Variants in LPCAT3 observed in about 807,000 individuals in gnomAD.
The protein encoded by LPCAT3 is lysophosphatidylcholine acyltransferase 3, also known as lysophospholipid acyltransferase 5.
A neutral mutation model predicts 63.4 loss-of-function variants in LPCAT3; 21 were observed. The ratio of observed to expected loss-of-function variants is 0.33; its 90% CI spans 0.23 to 0.48. The LOEUF is 0.48. Among genes scored for constraint, LPCAT3 ranks in the 20% least tolerant of loss-of-function variants. LPCAT3 has a pLI of 0.99. For missense variants in LPCAT3, 451 were observed against 590.6 expected, an observed-to-expected ratio of 0.76 and a Z score of 2.45; for synonymous variants, 242 against 227.5, an observed-to-expected ratio of 1.06 and a Z score of -0.58.
intron 1 of LPCAT3, among the ~76,000 whole-genome samples, chr12:7,003,560 G>A (rs1946704589): frequency 1.3e-5 from 2 of 152,084 alleles, no homozygotes; most frequent in African/African-American, 4.8e-5. Flanking sequence ...AAATACAACT[G>A]AGTTTCATAA....
chr12:7,014,800 G>A (rs1471346268), intron 1 of LPCAT3, among the ~76,000 whole-genome samples: 1 of 151,266 alleles, frequency 6.6e-6, no homozygotes, highest in Non-Finnish European at 1.5e-5. Flanking sequence ...AGGCTGAGGA[G>A]GAGAACTGCT....
chr12:6,998,265 C>G (rs1421452917), intron 1 of LPCAT3, among the ~76,000 whole-genome samples: 2 of 152,220 alleles, frequency 1.3e-5, no homozygotes, highest in Non-Finnish European at 2.9e-5. Flanking sequence ...ATCCTCCTGC[C>G]TCAGCCTCAC....
At chr12:6,981,692 G>T in intron 4 of LPCAT3, 60 bp from the exon 5 acceptor site, 2 of 879,168 alleles carry the variant, frequency 2.3e-6, no homozygotes, top group Non-Finnish European at 3.6e-6. Flanking sequence ...GATGTGGCCT[G>T]TAGACTGAGT....
Position 7,017,167 on chromosome 12 carries a change from C to G in LPCAT3, c.151+1107G>C, listed in dbSNP as rs1289275015. On this transcript the variant is annotated intron_variant, in intron 1 of 12. Transcript: ENST00000261407. This position sits in a 1 kb window ranked among gnomAD's most constrained non-coding sequence, Gnocchi z 4.1. ...AGACCTCTAACCCTCTGCTCTAGCC[C>G]CAGTCCTGTTTCCTTATCACCACTT... Among the ~76,000 whole-genome samples the G allele has an allele frequency of 6.6e-6, 1 of 152,226 alleles. No individual in the cohort carries two copies. Among genetic ancestry groups the G allele is most frequent in the Admixed American group, 6.5e-5 (1 of 15,288 alleles).
chr12:6,980,774 T>C (rs1388973322), intron 6 of LPCAT3: 2 of 369,270 alleles, frequency 5.4e-6, no homozygotes, highest in African/African-American at 2.1e-5. Context: ...CAAAATCCTG[T>C]GGCATAAATG....
intron 1 of LPCAT3, among the ~76,000 whole-genome samples, chr12:6,989,820 T>C (rs782147984): frequency 2.0e-5 from 3 of 152,304 alleles, no homozygotes; most frequent in South Asian, 4.1e-4. Flanking sequence ...AGATTACTTA[T>C]TAATCCTAAA....
At chr12:6,992,099 A>G (rs1479992734) in intron 1 of LPCAT3, among the ~76,000 whole-genome samples, 1 of 152,100 alleles carries the variant, frequency 6.6e-6, no homozygotes, top group Non-Finnish European at 1.5e-5. Context: ...TCAAGGACTG[A>G]CATTTGATAC....
intron 1 of LPCAT3, among the ~76,000 whole-genome samples, chr12:7,002,293 A>C (rs782457539): frequency 1.1e-4 from 16 of 152,252 alleles, no homozygotes; most frequent in African/African-American, 3.9e-4. Flanking sequence ...GTTCTCTCTC[A>C]AGTCCAACCA....
chr12:6,977,582 C>T lies in LPCAT3; in HGVS notation c.1188+16G>A. The T allele has an allele frequency of 1.2e-6, 2 of 1,614,210 alleles. No homozygotes were observed. Among genetic ancestry groups the T allele is most frequent in the Non-Finnish European group, 1.7e-6 (2 of 1,180,042 alleles). On this transcript the variant is annotated intron_variant, in intron 10 of 12. Coordinates refer to ENST00000261407, the MANE Select transcript of LPCAT3 (RefSeq NM_005768.6). The surrounding 1 kb of genome is among the most constrained non-coding windows in gnomAD (Gnocchi z 4.5). ...TGTCCCTTATATTCCCCTTCACCCC[C>T]ACCCTGGAGGCCTACCTGTCTTTCC...
At chr12:7,001,117 A>G (rs1431947787) in intron 1 of LPCAT3, among the ~76,000 whole-genome samples, 2 of 152,094 alleles carry the variant, frequency 1.3e-5, no homozygotes, top group Non-Finnish European at 2.9e-5. Flanking sequence ...AACTGACTTA[A>G]CTAAATTAAA....
chr12:7,005,435 T>C (rs1482454290), intron 1 of LPCAT3, among the ~76,000 whole-genome samples: 2 of 152,252 alleles, frequency 1.3e-5, no homozygotes, highest in African/African-American at 4.8e-5. Context: ...ATCTATGCTT[T>C]CAGTTCCCTT....
intron 1 of LPCAT3, among the ~76,000 whole-genome samples, chr12:6,996,907 G>A (rs1020670514): frequency 1.3e-5 from 2 of 152,144 alleles, no homozygotes; most frequent in Admixed American, 6.5e-5. Flanking sequence ...GGAGCATGGG[G>A]CATTCACTCC....
At chr12:6,978,185 G>T in intron 9 of LPCAT3, 156 bp downstream of exon 9, 1 of 819,890 alleles carries the variant, frequency 1.2e-6, no homozygotes, top group Non-Finnish European at 1.9e-6. Flanking sequence ...TTTTTGGGAG[G>T]GGGGTATAGG....
intron 6 of LPCAT3, 43 bp from the exon 7 acceptor site, chr12:6,979,622 A>G: frequency 7.4e-7 from 1 of 1,357,846 alleles, no homozygotes; most frequent in Non-Finnish European, 1.1e-6. Context: ...GAGAGCAGAG[A>G]CTATTCCCTT....
chr12:7,012,601 C>T (rs1404561219), intron 1 of LPCAT3, among the ~76,000 whole-genome samples: 1 of 152,194 alleles, frequency 6.6e-6, no homozygotes, highest in African/African-American at 2.4e-5. Context: ...ATAAGATCCT[C>T]TTCTCTGTAT....
Position 6,977,408 on chromosome 12 carries a change from T to C in LPCAT3, c.1306A>G (p.Met436Val). 6.2e-7 allele frequency: 1 copy of C among 1,614,196 alleles called. No homozygotes were observed. The highest frequency in any genetic ancestry group is 8.5e-7 in the Non-Finnish European group (1 of 1,180,040). ...TIHWLFMGYS[M>V]TAFCLFTWDK... Reference sequence around the variant, plus strand: ...CACGTGAAGAGGCAGAAGGCAGTCATGGAGTAACCCATGAAGAGCCAGTGG... The same window carrying C: ...CACGTGAAGAGGCAGAAGGCAGTCACGGAGTAACCCATGAAGAGCCAGTGG... The change falls in exon 11 of 13, where the codon ATG (methionine) becomes GTG (valine). Residue 436 changes from methionine to valine, a missense_variant. Met to Val is a conservative substitution (Grantham distance 21). Coordinates refer to ENST00000261407, the MANE Select transcript of LPCAT3 (RefSeq NM_005768.6). This position sits in a 1 kb window ranked among gnomAD's most constrained non-coding sequence, Gnocchi z 4.5.
rs1211891239 is a variant in LPCAT3, at chr12:6,976,908, G to T, written c.*13-17C>A. 1 of 485,396 alleles carries T rather than the reference G, an allele frequency of 2.1e-6. No individual in the cohort carries two copies. The highest frequency in any genetic ancestry group is 3.8e-6 in the Non-Finnish European group (1 of 264,864). 30.1% of individuals were successfully genotyped at this position (485,396 alleles called of 1,614,324 possible). A position where few individuals can be genotyped will look rare whatever the true frequency, so the allele number is the denominator to read the frequency against. ...ACAGGCCACCTGCAAGACAAGAGGA[G>T]TTTGGAAGGCTGGTTAGTTACTCCT... is the stretch of plus-strand genomic sequence containing the variant. On this transcript the variant is annotated splice_polypyrimidine_tract_variant and intron_variant, in intron 12 of 12. Coordinates refer to ENST00000261407, the MANE Select transcript of LPCAT3 (RefSeq NM_005768.6).
At chr12:6,982,597 A>T in intron 3 of LPCAT3, 79 bp downstream of exon 3, 2 of 1,079,592 alleles carry the variant, frequency 1.9e-6, no homozygotes, top group South Asian at 1.3e-5. Flanking sequence ...GCTAATTTCT[A>T]TACCACAGTC....
At chr12:6,983,325 C>T in intron 2 of LPCAT3, 107 bp downstream of exon 2, 2 of 712,650 alleles carry the variant, frequency 2.8e-6, no homozygotes, top group Middle Eastern at 2.7e-4. Context: ...CAAGTGGGAG[C>T]ATTATAACTT....
Sources: allele counts gnomAD v4.1 joint callset (sites outside exome capture counted in the v4.1 genomes callset), GRCh38; gene constraint gnomAD v4.1.1; non-coding constraint Gnocchi (gnomAD v3.1); transcripts MANE v1.5; gene names NCBI Gene and HGNC (gene_info 2026-07-23, HGNC 2026-07-21).